Variants in USP33 observed in about 807,000 individuals in gnomAD.
USP33 encodes the protein ubiquitin specific peptidase 33.
In USP33, 46 loss-of-function variants were observed where a neutral mutation model predicts 124.2. The observed-to-expected ratio is 0.37, with a 90% CI of 0.29 to 0.47. USP33 has a LOEUF of 0.47. Ranked by LOEUF, USP33 falls within the 20% of genes least tolerant of loss-of-function variation. The pLI, the probability that USP33 is intolerant of heterozygous loss-of-function variation, is 0.99. For synonymous variants in USP33, 350 were observed against 352.3 expected, an observed-to-expected ratio of 0.99 and a Z score of 0.07; for missense variants, 851 against 1,070.6, an observed-to-expected ratio of 0.79 and a Z score of 2.86.
chr1:77,718,533 T>G, intron 16 of USP33, 63 bp downstream of exon 16: 1 of 1,250,380 alleles, frequency 8.0e-7, no homozygotes, highest in South Asian at 1.3e-5. Flanking sequence ...TACTACATTT[T>G]GTTACATTAA....
At chr1:77,741,343 T>C (rs774322771) in intron 3 of USP33, 33 bp downstream of exon 3, 3 of 1,565,064 alleles carry the variant, frequency 1.9e-6, no homozygotes, top group African/African-American at 2.8e-5. Context: ...ATTATTATTA[T>C]AGCAATCTTT....
intron 22 of USP33, among the ~76,000 whole-genome samples, chr1:77,700,959 A>G (rs1045131040): frequency 6.6e-6 from 1 of 152,162 alleles, no homozygotes; most frequent in Non-Finnish European, 1.5e-5. Context: ...TCAGCCTCCC[A>G]AACTTTTGGG....
intron 1 of USP33, among the ~76,000 whole-genome samples, chr1:77,749,618 G>C (rs1267460697): frequency 6.6e-6 from 1 of 152,082 alleles, no homozygotes; most frequent in African/African-American, 2.4e-5. Context: ...CTGACCTCAG[G>C]TGATCCACTC....
chr1:77,749,539 G>A (rs919945419), intron 1 of USP33, among the ~76,000 whole-genome samples: 8 of 151,940 alleles, frequency 5.3e-5, no homozygotes, highest in Non-Finnish European at 7.4e-5. Context: ...GTGCCACCAC[G>A]ACTGGCTAAT....
At position 77,728,461 on chromosome 1, in the gene USP33, T is replaced by C. The variant is rs1677413690; in HGVS notation, c.969A>G (p.Glu323=). 2 of 1,613,958 alleles carry C rather than the reference T, an allele frequency of 1.2e-6. No homozygotes were observed. Among genetic ancestry groups the C allele is most frequent in the African/African-American group, 2.7e-5 (2 of 74,924 alleles). The change falls in exon 10 of 24, where the codon GAA becomes GAG. Residue 323 remains glutamate (E), a synonymous_variant. Transcript: ENST00000370794. ...NETTMLIQDD[E]NNSEMSKDWQ... The stretch of plus-strand genomic sequence containing the variant: ...AATCCTTTGACATTTCTGAATTGTT[T>C]TCATCATCCTGAATTAACATTGTTG...
chr1:77,720,260 A>C (rs1284862725), intron 15 of USP33: 1 of 954,256 alleles, frequency 1.0e-6, no homozygotes, highest in African/African-American at 1.8e-5. Flanking sequence ...AAATTAATAT[A>C]CATTTGACAG....
intron 4 of USP33, 133 bp from the exon 5 acceptor site, chr1:77,739,550 C>A: frequency 1.2e-6 from 1 of 839,326 alleles, no homozygotes; most frequent in South Asian, 2.9e-5. Context: ...TAATTTAGAA[C>A]ATGAAAAAAA....
intron 1 of USP33, among the ~76,000 whole-genome samples, chr1:77,748,782 C>CG (rs1680000207): frequency 1.3e-5 from 1 of 77,464 alleles, no homozygotes; most frequent in Admixed American, 1.2e-4. Context: ...CCTTCCCTCC[C>CG]CCCCCCCCCC....
At chr1:77,756,481 T>G (rs150357655) in intron 1 of USP33, among the ~76,000 whole-genome samples, 242 of 152,280 alleles carry the variant, frequency 1.6e-3, no homozygotes, top group African/African-American at 5.6e-3. Flanking sequence ...CCATCTCAAC[T>G]ACTTCTCTCC....
intron 7 of USP33, among the ~76,000 whole-genome samples, chr1:77,731,545 T>C (rs908343582): frequency 2.6e-5 from 4 of 152,032 alleles, no homozygotes; most frequent in Non-Finnish European, 5.9e-5. Flanking sequence ...AATCTTTTTT[T>C]TTTTTTTGGT....
Position 77,736,151 on chromosome 1 carries a change from T to G in USP33, c.359A>C (p.Lys120Thr). ...QIQENSVQDF[K>T]IPSNTTLKTP... Reference sequence around the variant, plus strand: ...TTTTAATGTTGTATTACTGGGTATTTTAAAATCCTTGATAACAAAAAAAGA... The same window carrying G: ...TTTTAATGTTGTATTACTGGGTATTGTAAAATCCTTGATAACAAAAAAAGA... The change falls in exon 6 of 24, where the codon AAA (lysine) becomes ACA (threonine). Residue 120 changes from lysine (K) to threonine (T), a missense_variant. By Grantham distance (78) the Lys-to-Thr change is moderately conservative. This residue lies in a region of USP33 where 221 missense variants were observed against 302.9 expected (regional missense o/e 0.73). Transcript: ENST00000370794. 3.7e-6 allele frequency: 6 copies of G among 1,607,050 alleles called. No individual in the cohort carries two copies. Among genetic ancestry groups the G allele is most frequent in the Non-Finnish European group, 4.3e-6 (5 of 1,175,938 alleles).
Position 77,721,155 on chromosome 1 carries a change from C to T in USP33, c.1691+17G>A, listed in dbSNP as rs1676520954. On this transcript the variant is annotated intron_variant, in intron 15 of 23. Coordinates refer to ENST00000370794, the MANE Select transcript of USP33 (RefSeq NM_201624.3). ...AATACACAACATGCAATTAAAAGCA[C>T]TGTCAATGTCACTTACTTTTTGCAT... 1 of 1,613,654 alleles carries T rather than the reference C, an allele frequency of 6.2e-7. No homozygotes were observed. The highest frequency in any genetic ancestry group is 1.1e-5 in the South Asian group (1 of 91,024).
At position 77,697,075 on chromosome 1, in the gene USP33, C is replaced by G. The variant is rs959586630; in HGVS notation, c.*242G>C. On this transcript the variant is annotated 3_prime_UTR_variant, in exon 24 of 24. Transcript: ENST00000370794. ...CCAGCCTGGGTGACAAAGCAAGACTCTGTCTCAAAAAAAAATTACACTGAA... is the reference window on the plus strand; with the variant it reads ...CCAGCCTGGGTGACAAAGCAAGACTGTGTCTCAAAAAAAAATTACACTGAA... 13 of 298,762 alleles carry G rather than the reference C, an allele frequency of 4.4e-5. No homozygotes were observed. Among genetic ancestry groups the G allele is most frequent in the Non-Finnish European group, 3.0e-5 (5 of 164,990 alleles). The allele number at this position is 298,762 out of a possible 1,614,324, so 18.5% of individuals were successfully genotyped here.
intron 22 of USP33, among the ~76,000 whole-genome samples, chr1:77,699,244 G>A (rs892976858): frequency 7.9e-5 from 12 of 152,112 alleles, no homozygotes; most frequent in Admixed American, 2.0e-4. Context: ...AAACAGGCTG[G>A]GCCCAGTGGC....
chr1:77,730,983 C>A (rs1174560562), intron 7 of USP33, among the ~76,000 whole-genome samples: 1 of 152,218 alleles, frequency 6.6e-6, no homozygotes, highest in Non-Finnish European at 1.5e-5. Flanking sequence ...TTGCCACAGA[C>A]AACTATGCCC....
Position 77,713,247 on chromosome 1 carries a change from G to T in USP33, c.2250C>A (p.Asp750Glu). Residue 750 changes from aspartate to glutamate, a missense_variant, in exon 20 of 24, where the codon GAC becomes GAA. By Grantham distance (45) the Asp-to-Glu change is conservative. This residue lies in a region of USP33 where 281 missense variants were observed against 425.0 expected (regional missense o/e 0.66). Transcript: ENST00000370794. ...TGTTCTGAGGCAGCATCAAAACCAG[G>T]TCTTCAATATAACCAGCTTTTCTTG... The part of the protein sequence containing the change: ...VPPRKAGYIE[D>E]LVLMLPQNIW... The T allele has an allele frequency of 6.3e-7, 1 of 1,576,414 alleles. No individual in the cohort carries two copies. Among genetic ancestry groups the T allele is most frequent in the Middle Eastern group, 1.7e-4 (1 of 5,932 alleles).
intron 10 of USP33, among the ~76,000 whole-genome samples, chr1:77,727,093 T>C (rs1677252012): frequency 6.6e-6 from 1 of 152,194 alleles, no homozygotes. Context: ...ATATTGGGAG[T>C]GAAAAAACAA....
chr1:77,708,749 C>T (rs1267905223), intron 21 of USP33, among the ~76,000 whole-genome samples: 1 of 148,608 alleles, frequency 6.7e-6, no homozygotes, highest in African/African-American at 2.5e-5. Flanking sequence ...GGGTTTGTGA[C>T]TTTCCTCATT....
At chr1:77,734,554 C>T (rs1303211439) in intron 6 of USP33, 138 bp from the exon 7 acceptor site, 6 of 573,258 alleles carry the variant, frequency 1.0e-5, no homozygotes, top group Non-Finnish European at 1.8e-5. Flanking sequence ...TCAGAGAGGT[C>T]ACACTTTGGG....
Sources: allele counts gnomAD v4.1 joint callset (sites outside exome capture counted in the v4.1 genomes callset), GRCh38; gene constraint gnomAD v4.1.1; regional missense constraint gnomAD v4.1.1; transcripts MANE v1.5; gene names NCBI Gene and HGNC (gene_info 2026-07-23, HGNC 2026-07-21).